EGFR: variants seen among roughly 807,000 people sequenced by gnomAD.
The protein encoded by EGFR is epidermal growth factor receptor.
EGFR carries 58 observed loss-of-function variants against 143.0 expected under a neutral mutation model. That is an observed-to-expected ratio of 0.41 (90% CI 0.33 to 0.50). The LOEUF (loss-of-function observed/expected upper bound fraction) is 0.50. Ranked by LOEUF, EGFR falls within the 20% of genes least tolerant of loss-of-function variation. The pLI is 0.39. For synonymous variants in EGFR, 613 were observed against 594.4 expected (o/e 1.03, Z -0.45); for missense variants, 1,307 against 1,579.0 (o/e 0.83, Z 2.92).
chr7:55,203,092 A>AAC (rs17290748), intron 27 of EGFR: 49,165 of 269,430 alleles, frequency 0.18, 5,265 homozygotes, highest in Admixed American at 0.28. Flanking sequence ...ATAACCTGCT[A>AAC]ACACACACAC....
chr7:55,201,485 T>C (rs2128972063), intron 25 of EGFR, 130 bp downstream of exon 25: 1 of 1,369,514 alleles, frequency 7.3e-7, no homozygotes, highest in South Asian at 1.3e-5. Flanking sequence ...AATGGTAAAA[T>C]CAAAATCAAA....
intron 4 of EGFR, among the ~76,000 whole-genome samples, chr7:55,149,257 T>C (rs1460675960): frequency 6.6e-6 from 1 of 152,098 alleles, no homozygotes; most frequent in Non-Finnish European, 1.5e-5. Flanking sequence ...GCTATATCAC[T>C]CTGTGAAGTC....
intron 1 of EGFR, among the ~76,000 whole-genome samples, chr7:55,101,214 G>C (rs146976892): frequency 1.3e-5 from 2 of 152,176 alleles, no homozygotes; most frequent in African/African-American, 4.8e-5. Context: ...CAGACTTTAC[G>C]CTTGCGTCAC....
At chr7:55,105,348 G>A (rs190727603) in intron 1 of EGFR, among the ~76,000 whole-genome samples, 34 of 152,342 alleles carry the variant, frequency 2.2e-4, no homozygotes, top group African/African-American at 8.2e-4. Flanking sequence ...TATTTGAGAT[G>A]AAACTAGATC....
intron 1 of EGFR, among the ~76,000 whole-genome samples, chr7:55,045,774 C>T (rs2128871497): frequency 6.6e-6 from 1 of 152,306 alleles, no homozygotes; most frequent in Non-Finnish European, 1.5e-5. Flanking sequence ...ATTGCTGCAG[C>T]TGTTCTTATA....
chr7:55,126,184 A>C (rs1413588135), intron 1 of EGFR, among the ~76,000 whole-genome samples: 1 of 152,226 alleles, frequency 6.6e-6, no homozygotes, highest in Non-Finnish European at 1.5e-5. Context: ...TCCCCATGGC[A>C]TAATCACAGT....
intron 1 of EGFR, among the ~76,000 whole-genome samples, chr7:55,039,100 T>A (rs1359417172): frequency 6.6e-6 from 1 of 152,142 alleles, no homozygotes; most frequent in African/African-American, 2.4e-5. Flanking sequence ...ATGGAAATTA[T>A]TTTTTGGTGA....
intron 15 of EGFR, chr7:55,170,804 G>A: frequency 7.0e-7 from 1 of 1,424,154 alleles, no homozygotes; most frequent in Non-Finnish European, 9.1e-7. Context: ...AATTAGCATG[G>A]CCCCAGTCCA....
At chr7:55,061,915 G>T (rs1035424944) in intron 1 of EGFR, among the ~76,000 whole-genome samples, 2 of 152,188 alleles carry the variant, frequency 1.3e-5, no homozygotes, top group African/African-American at 4.8e-5. Context: ...AGCTTAGGCT[G>T]ACTGTTCATC....
chr7:55,163,832 C>G lies in EGFR; in HGVS notation c.1722+9C>G. 1.2e-6 allele frequency: 2 copies of G among 1,614,006 alleles called. No homozygotes were observed. The highest frequency in any genetic ancestry group is 1.7e-6 in the Non-Finnish European group (2 of 1,179,910). ...TCACCTGCACAGGACGGGTAAGAGC[C>G]CCTTGCTGCTATCCACGTCCATTTC... On this transcript the variant is annotated intron_variant, in intron 14 of 27. Coordinates refer to ENST00000275493, the MANE Select transcript of EGFR (RefSeq NM_005228.5).
chr7:55,090,648 G>GA (rs1468006935), intron 1 of EGFR, among the ~76,000 whole-genome samples: 7 of 152,162 alleles, frequency 4.6e-5, no homozygotes, highest in Non-Finnish European at 1.0e-4. Flanking sequence ...AACCCTGATT[G>GA]AAAATCAGAG....
chr7:55,087,118 T>G (rs989453968), intron 1 of EGFR, among the ~76,000 whole-genome samples: 3 of 151,950 alleles, frequency 2.0e-5, no homozygotes, highest in African/African-American at 7.3e-5. Flanking sequence ...GCTGTGAGTG[T>G]GCTATTTAGA....
At chr7:55,181,532 A>C in intron 20 of EGFR, 54 bp downstream of exon 20, 18 of 1,608,794 alleles carry the variant, frequency 1.1e-5, no homozygotes, top group Non-Finnish European at 1.5e-5. Context: ...GGATCCTCAC[A>C]TGCGGTCTGC....
Position 55,173,033 on chromosome 7 carries a change from T to C in EGFR, c.1970T>C (p.Leu657Pro). ...GGGATGGTGGGGGCCCTCCTCTTGCTGCTGGTGGTGGCCCTGGGGATCGGC... is the reference window on the plus strand; with the variant it reads ...GGGATGGTGGGGGCCCTCCTCTTGCCGCTGGTGGTGGCCCTGGGGATCGGC... ...ATGMVGALLLLLVVALGIGLF... is the reference protein window; with the variant it reads ...ATGMVGALLLPLVVALGIGLF... Residue 657 changes from leucine (L) to proline (P), a missense_variant, in exon 17 of 28, where the codon CTG becomes CCG. By Grantham distance (98) the Leu-to-Pro change is moderately conservative. This residue lies in a region of EGFR where 348 missense variants were observed against 451.5 expected (regional missense o/e 0.77). Transcript: ENST00000275493. 1 of 1,614,106 alleles carries C rather than the reference T, an allele frequency of 6.2e-7. No homozygotes were observed. Among genetic ancestry groups the C allele is most frequent in the Non-Finnish European group, 8.5e-7 (1 of 1,180,026 alleles).
intron 20 of EGFR, among the ~76,000 whole-genome samples, chr7:55,191,020 G>A (rs1787371196): frequency 6.6e-6 from 1 of 152,172 alleles, no homozygotes; most frequent in Non-Finnish European, 1.5e-5. Flanking sequence ...GCCAGGGTCA[G>A]GGTAGCATTT....
chr7:55,092,872 T>C (rs1221098081), intron 1 of EGFR, among the ~76,000 whole-genome samples: 2 of 152,384 alleles, frequency 1.3e-5, no homozygotes, highest in African/African-American at 4.8e-5. Flanking sequence ...ACTAAAGATC[T>C]GTCCCTTTCA....
chr7:55,151,361 A>G lies in EGFR; in HGVS notation c.627A>G (p.Lys209=). ...GTGCAGGAGAGGAGAACTGCCAGAAACGTAAGTCAGTGAACAGCCTCAGAC... is the reference window on the plus strand; with the variant it reads ...GTGCAGGAGAGGAGAACTGCCAGAAGCGTAAGTCAGTGAACAGCCTCAGAC... The part of the protein sequence containing the change: ...CWGAGEENCQ[K]LTKIICAQQC... The change falls in exon 5 of 28, where the codon AAA becomes AAG. Residue 209 remains lysine, a splice_region_variant and synonymous_variant. Coordinates refer to ENST00000275493, the MANE Select transcript of EGFR (RefSeq NM_005228.5). The G allele has an allele frequency of 6.2e-7, 1 of 1,614,128 alleles. No individual in the cohort carries two copies. The highest frequency in any genetic ancestry group is 1.1e-5 in the South Asian group (1 of 91,076).
chr7:55,145,230 CT>C (rs1375553607), intron 3 of EGFR, among the ~76,000 whole-genome samples: 2 of 152,196 alleles, frequency 1.3e-5, no homozygotes, highest in Non-Finnish European at 2.9e-5. Context: ...TCTCTCAGGT[CT>C]TTGGTCTGTT....
chr7:55,123,972 T>C (rs951038558), intron 1 of EGFR, among the ~76,000 whole-genome samples: 1 of 152,190 alleles, frequency 6.6e-6, no homozygotes, highest in African/African-American at 2.4e-5. Flanking sequence ...TTTATGCATC[T>C]GTTTGCAAGT....
Sources: gnomAD v4.1 joint callset for allele counts (sites outside exome capture counted in the v4.1 genomes callset) on GRCh38, gnomAD v4.1.1 for gene constraint, gnomAD v4.1.1 regional missense constraint, MANE v1.5 for transcripts, NCBI Gene and HGNC (gene_info 2026-07-23, HGNC 2026-07-21) for gene names.